Variants in ANKRD63 observed in about 807,000 individuals in gnomAD.
ANKRD63 encodes the protein ankyrin repeat domain-containing protein 63.
A neutral mutation model predicts 21.2 loss-of-function variants in ANKRD63; 18 were observed. The ratio of observed to expected loss-of-function variants is 0.85; its 90% confidence interval spans 0.59 to 1.26. The LOEUF (loss-of-function observed/expected upper bound fraction) is 1.26. Among genes scored for constraint, ANKRD63 ranks in the 50% most tolerant of loss-of-function variants. ANKRD63 has a pLI of 0.00. For synonymous variants in ANKRD63, 322 were observed against 273.3 expected, an observed-to-expected ratio of 1.18 and a Z score of -1.76; for missense variants, 523 against 570.9, an observed-to-expected ratio of 0.92 and a Z score of 0.85.
rs1379127969 is a variant in ANKRD63 at position 40,281,843 on chromosome 15, G to A, written c.744C>T (p.Ser248=). 2 of 1,528,360 alleles carry A rather than the reference G, an allele frequency of 1.3e-6. No individual in the cohort carries two copies. Among genetic ancestry groups the A allele is most frequent in the Non-Finnish European group, 1.7e-6 (2 of 1,143,402 alleles). 94.7% of individuals were successfully genotyped at this position (1,528,360 alleles called of 1,614,324 possible). A position where few individuals can be genotyped will look rare whatever the true frequency, so the allele number is the denominator to read the frequency against. The part of the protein sequence containing the change: ...KNSGRHRAQG[S]ERPELGRSMS... ...TGCTCCGACCCAGCTCGGGCCGTTC[G>A]CTGCCCTGCGCCCGGTGCCGGCCCG... is the stretch of plus-strand genomic sequence containing the variant. The change falls in exon 1 of 1, where the codon AGC becomes AGT. Residue 248 remains serine (S), a synonymous_variant. Transcript: ENST00000434396.
Position 40,282,437 on chromosome 15 carries a change from C to A in ANKRD63, c.150G>T (p.Pro50=). 1 of 1,514,708 alleles carries A rather than the reference C, an allele frequency of 6.6e-7. No individual in the cohort carries two copies. The highest frequency in any genetic ancestry group is 8.8e-7 in the Non-Finnish European group (1 of 1,139,144). The allele number at this position is 1,514,708 out of a possible 1,614,324, so 93.8% of individuals were successfully genotyped here. The stretch of plus-strand genomic sequence containing the variant: ...CCGGCAGCCCCACGGCCACCATGAG[C>A]GGCGTACGGCCCTGCTCCGCGCGGC... ...IDCRAEQGRT[P]LMVAVGLPDP... The change falls in exon 1 of 1, where the codon CCG becomes CCT. Residue 50 remains proline (P), a synonymous_variant. Coordinates refer to ENST00000434396, the MANE Select transcript of ANKRD63 (RefSeq NM_001190479.3).
In ANKRD63 at chr15:40,278,992, C is replaced by T. The variant is rs985555020; in HGVS notation, c.*2452G>A. ...ACTTGCATTTCTACACCACTAAAAA[C>T]GTCATTAAAATTCAACACAGTTGAA... is the stretch of plus-strand genomic sequence containing the variant. On this transcript the variant is annotated 3_prime_UTR_variant, in exon 1 of 1. Coordinates refer to ENST00000434396, the MANE Select transcript of ANKRD63 (RefSeq NM_001190479.3). Among the ~76,000 whole-genome samples the T allele has an allele frequency of 6.6e-6, 1 of 152,204 alleles. No homozygotes were observed. Among genetic ancestry groups the T allele is most frequent in the Non-Finnish European group, 1.5e-5 (1 of 68,044 alleles).
At position 40,282,415 on chromosome 15, in the gene ANKRD63, G is replaced by A; in HGVS notation, c.172C>T (p.Pro58Ser). The A allele has an allele frequency of 6.6e-7, 1 of 1,505,832 alleles. No homozygotes were observed. Among genetic ancestry groups the A allele is most frequent in the East Asian group, 2.7e-5 (1 of 37,620 alleles). 93.3% of individuals were successfully genotyped at this position (1,505,832 alleles called of 1,614,324 possible). The change falls in exon 1 of 1, where the codon CCG becomes TCG. Residue 58 changes from proline (P) to serine (S), a missense_variant. Pro to Ser is a moderately conservative substitution (Grantham distance 74, BLOSUM62 -1). Around this residue, in one of 2 missense-constraint regions of ANKRD63, gnomAD observed 215 missense variants for 280.4 expected, o/e 0.77. Coordinates refer to ENST00000434396, the MANE Select transcript of ANKRD63 (RefSeq NM_001190479.3). Reference sequence around the variant, plus strand: ...AAGCGCGCGCGCAGCGCGGGGTCCGGCAGCCCCACGGCCACCATGAGCGGC... The same window carrying A: ...AAGCGCGCGCGCAGCGCGGGGTCCGACAGCCCCACGGCCACCATGAGCGGC... ...RTPLMVAVGLPDPALRARFVR... is the reference protein window; with the variant it reads ...RTPLMVAVGLSDPALRARFVR...
chr15:40,282,425 G>A lies in ANKRD63; in HGVS notation c.162C>T (p.Ala54=), dbSNP rs1274582873. ...AEQGRTPLMV[A]VGLPDPALRA... is the part of the protein sequence containing the mutation. ...GCAGCGCGGGGTCCGGCAGCCCCAC[G>A]GCCACCATGAGCGGCGTACGGCCCT... is the stretch of plus-strand genomic sequence containing the variant. Residue 54 remains alanine, a synonymous_variant, in exon 1 of 1, where the codon GCC becomes GCT. Transcript: ENST00000434396. The A allele has an allele frequency of 2.7e-5, 41 of 1,509,798 alleles. No homozygotes were observed. Among genetic ancestry groups the A allele is most frequent in the Non-Finnish European group, 3.4e-5 (39 of 1,137,322 alleles). 93.5% of individuals were successfully genotyped at this position (1,509,798 alleles called of 1,614,324 possible). A position where few individuals can be genotyped will look rare whatever the true frequency, so the allele number is the denominator to read the frequency against.
chr15:40,278,380 G>A lies in ANKRD63; in HGVS notation c.*3064C>T, dbSNP rs1428909573. ...CAAAGAGAGGCCAGTTCTCGCAACG[G>A]AATAATACACTGGATTTATTAACTA... On this transcript the variant is annotated 3_prime_UTR_variant, in exon 1 of 1. Transcript: ENST00000434396. The A allele has an allele frequency of 7.2e-5, 11 of 152,330 alleles. No homozygotes were observed. In the East Asian group the frequency reaches 1.9e-3, roughly 27 times the overall value. The allele number at this position is 152,330 out of a possible 1,614,324, so 9.4% of individuals were successfully genotyped here.
Position 40,282,562 on chromosome 15 carries a change from G to A in ANKRD63, c.25C>T (p.Pro9Ser), listed in dbSNP as rs2039558391. The change falls in exon 1 of 1, where the codon CCC (proline) becomes TCC (serine). Residue 9 changes from proline to serine, a missense_variant. Pro to Ser is a moderately conservative substitution (Grantham distance 74). Coordinates refer to ENST00000434396, the MANE Select transcript of ANKRD63 (RefSeq NM_001190479.3). MLKPKDLC[P>S]RAGTRTFLEA... Reference sequence around the variant, plus strand: ...AGGAAGGTGCGCGTCCCCGCTCGGGGGCACAGGTCCTTGGGTTTGAGCATG... The same window carrying A: ...AGGAAGGTGCGCGTCCCCGCTCGGGAGCACAGGTCCTTGGGTTTGAGCATG... 1 of 1,464,362 alleles carries A rather than the reference G, an allele frequency of 6.8e-7. No individual in the cohort carries two copies. The highest frequency in any genetic ancestry group is 9.0e-7 in the Non-Finnish European group (1 of 1,113,926). The allele number at this position is 1,464,362 out of a possible 1,614,324, so 90.7% of individuals were successfully genotyped here.
Position 40,281,776 on chromosome 15 carries a change from G to A in ANKRD63, c.811C>T (p.Arg271Cys), listed in dbSNP as rs1464803596. Residue 271 changes from arginine (R) to cysteine (C), a missense_variant, in exon 1 of 1, where the codon CGC becomes TGC. By Grantham distance (180) the Arg-to-Cys change is radical. This residue lies in a region of ANKRD63 where 308 missense variants were observed against 290.4 expected (regional missense o/e 1.06). Coordinates refer to ENST00000434396, the MANE Select transcript of ANKRD63 (RefSeq NM_001190479.3). ...LGAVTEEEAARLRAGALMALP... is the reference protein window; with the variant it reads ...LGAVTEEEAACLRAGALMALP... The stretch of plus-strand genomic sequence containing the variant: ...GCCATCAGGGCCCCAGCCCGCAGGC[G>A]GGCAGCCTCCTCCTCGGTTACCGCA... The A allele has an allele frequency of 2.6e-6, 4 of 1,535,078 alleles. No homozygotes were observed. Among genetic ancestry groups the A allele is most frequent in the East Asian group, 2.4e-5 (1 of 40,880 alleles).
chr15:40,282,679 C>CT lies in ANKRD63; in HGVS notation c.-94dup, dbSNP rs1595614403. The CT allele has an allele frequency of 2.0e-6, 2 of 989,376 alleles. No individual in the cohort carries two copies. Among genetic ancestry groups the CT allele is most frequent in the South Asian group, 2.3e-5 (1 of 43,504 alleles). The allele number at this position is 989,376 out of a possible 1,614,324, so 61.3% of individuals were successfully genotyped here. A position where few individuals can be genotyped will look rare whatever the true frequency, so the allele number is the denominator to read the frequency against. ...CGGGGCTCCGGCCTCCGCCCGCGCT[C>CT]TGATACCTCTCCCTCCGCGCGTGGG... On this transcript the variant is annotated 5_prime_UTR_variant, in exon 1 of 1. Transcript: ENST00000434396.
At position 40,281,848 on chromosome 15, in the gene ANKRD63, C is replaced by T; in HGVS notation, c.739G>A (p.Gly247Ser). The part of the protein sequence containing the change: ...GKNSGRHRAQ[G>S]SERPELGRSM... ...CGACCCAGCTCGGGCCGTTCGCTGC[C>T]CTGCGCCCGGTGCCGGCCCGAATTC... Residue 247 changes from glycine (G) to serine (S), a missense_variant, in exon 1 of 1, where the codon GGC (glycine) becomes AGC (serine). Gly to Ser is a moderately conservative substitution (Grantham distance 56). Coordinates refer to ENST00000434396, the MANE Select transcript of ANKRD63 (RefSeq NM_001190479.3). 1 of 1,525,702 alleles carries T rather than the reference C, an allele frequency of 6.6e-7. No individual in the cohort carries two copies. Among genetic ancestry groups the T allele is most frequent in the East Asian group, 2.5e-5 (1 of 39,736 alleles). The allele number at this position is 1,525,702 out of a possible 1,614,324, so 94.5% of individuals were successfully genotyped here. A position where few individuals can be genotyped will look rare whatever the true frequency, so the allele number is the denominator to read the frequency against.
In ANKRD63 at chr15:40,282,035, AGCGGCGGCGGC is replaced by A; in HGVS notation, c.541_551del (p.Ala181CysfsTer9). 8.2e-7 allele frequency: 1 copy of A among 1,221,674 alleles called. No homozygotes were observed. Among genetic ancestry groups the A allele is most frequent in the Non-Finnish European group, 1.0e-6 (1 of 983,104 alleles). 75.7% of individuals were successfully genotyped at this position (1,221,674 alleles called of 1,614,324 possible). Reference sequence around the variant, plus strand: ...TATCGGAGTTGGAGCCCCGGGCCGCAGCGGCGGCGGCGGCGCGGCCCCAGGGCCCGGTGAGG... The same window carrying A: ...TATCGGAGTTGGAGCCCCGGGCCGCAGGCGCGGCCCCAGGGCCCGGTGAGG... On this transcript the variant is annotated frameshift_variant, in exon 1 of 1. Transcript: ENST00000434396. LOFTEE classifies it high-confidence loss of function.
rs1271091292 is a variant in ANKRD63, at chr15:40,281,897, G to C, written c.690C>G (p.Gly230=). 7.1e-7 allele frequency: 1 copy of C among 1,411,800 alleles called. No individual in the cohort carries two copies. The highest frequency in any genetic ancestry group is 9.1e-7 in the Non-Finnish European group (1 of 1,093,036). 87.5% of individuals were successfully genotyped at this position (1,411,800 alleles called of 1,614,324 possible). The change falls in exon 1 of 1, where the codon GGC becomes GGG. Residue 230 remains glycine, a synonymous_variant. Coordinates refer to ENST00000434396, the MANE Select transcript of ANKRD63 (RefSeq NM_001190479.3). ...TCTTGCCCGCTGAGCCAGCCTCGCC[G>C]CCGTGGCCGCCCGCCGCTCGCGCAA... ...ARFARAAGGH[G]GEAGSAGKNS...
At position 40,281,621 on chromosome 15, in the gene ANKRD63, A is replaced by G; in HGVS notation, c.966T>C (p.Ser322=). 1 of 1,527,212 alleles carries G rather than the reference A, an allele frequency of 6.5e-7. No homozygotes were observed. The highest frequency in any genetic ancestry group is 8.8e-7 in the Non-Finnish European group (1 of 1,142,396). 94.6% of individuals were successfully genotyped at this position (1,527,212 alleles called of 1,614,324 possible). ...AGCGTCGGCGCAAACCCAGGCGGCC[A>G]GAGCCGGGGCCGCCCTCCGGGTGGG... ...LSPHPEGGPG[S]GRLGLRRRST... is the part of the protein sequence containing the mutation. The change falls in exon 1 of 1, where the codon TCT becomes TCC. Residue 322 remains serine, a synonymous_variant. Coordinates refer to ENST00000434396, the MANE Select transcript of ANKRD63 (RefSeq NM_001190479.3).
At position 40,280,660 on chromosome 15, in the gene ANKRD63, A is replaced by T. The variant is rs907215793; in HGVS notation, c.*784T>A. Among the ~76,000 whole-genome samples, 1 of 152,170 alleles carries T rather than the reference A, an allele frequency of 6.6e-6. No individual in the cohort carries two copies. The highest frequency in any genetic ancestry group is 1.5e-5 in the Non-Finnish European group (1 of 68,024). ...CGATGATGGAATTCAAATGCATCTG[A>T]GCTGAAGAGCGGGCTGGCTCTGGAG... On this transcript the variant is annotated 3_prime_UTR_variant, in exon 1 of 1. Transcript: ENST00000434396.
rs1229070948 is a variant in ANKRD63 at position 40,282,587 on chromosome 15, G to A, written c.-1C>T. On this transcript the variant is annotated 5_prime_UTR_variant, in exon 1 of 1. Transcript: ENST00000434396. The stretch of plus-strand genomic sequence containing the variant: ...GGCACAGGTCCTTGGGTTTGAGCAT[G>A]GCCCCGGCCGCCGCGCCCGGGCAGC... The A allele has an allele frequency of 5.8e-6, 8 of 1,383,240 alleles. No individual in the cohort carries two copies. The highest frequency in any genetic ancestry group is 3.1e-5 in the African/African-American group (2 of 65,564). The allele number at this position is 1,383,240 out of a possible 1,614,324, so 85.7% of individuals were successfully genotyped here. A position where few individuals can be genotyped will look rare whatever the true frequency, so the allele number is the denominator to read the frequency against.
In ANKRD63 at chr15:40,282,736, T is replaced by C. The variant is rs900623040; in HGVS notation, c.-150A>G. 26 of 588,028 alleles carry C rather than the reference T, an allele frequency of 4.4e-5. No homozygotes were observed. Among genetic ancestry groups the C allele is most frequent in the Non-Finnish European group, 5.9e-5 (22 of 374,384 alleles). The allele number at this position is 588,028 out of a possible 1,614,324, so 36.4% of individuals were successfully genotyped here. ...CAGCCGAGGGTCCCGAGGTTCCTAC[T>C]CCGCTGTCCCGGAGGCTCCGACTGC... is the stretch of plus-strand genomic sequence containing the variant. On this transcript the variant is annotated 5_prime_UTR_variant, in exon 1 of 1. Coordinates refer to ENST00000434396, the MANE Select transcript of ANKRD63 (RefSeq NM_001190479.3).
rs1378236524 is a variant in ANKRD63 at position 40,281,492 on chromosome 15, G to T, written c.1095C>A (p.Asn365Lys). The change falls in exon 1 of 1, where the codon AAC becomes AAA. Residue 365 changes from asparagine (N) to lysine (K), a missense_variant. By Grantham distance (94) the Asn-to-Lys change is moderately conservative (BLOSUM62 0). Around this residue, in one of 2 missense-constraint regions of ANKRD63, gnomAD observed 308 missense variants for 290.4 expected, o/e 1.06. Transcript: ENST00000434396. ...NALSVSVPGP[N>K]PWQAGTEAVV... ...CAGCCTCGGTGCCCGCCTGCCAAGG[G>T]TTCGGCCCAGGCACCGAGACAGACA... 1 of 1,455,288 alleles carries T rather than the reference G, an allele frequency of 6.9e-7. No homozygotes were observed. Among genetic ancestry groups the T allele is most frequent in the Non-Finnish European group, 9.0e-7 (1 of 1,108,228 alleles). 90.1% of individuals were successfully genotyped at this position (1,455,288 alleles called of 1,614,324 possible).
At position 40,282,527 on chromosome 15, in the gene ANKRD63, C is replaced by T. The variant is rs888063124; in HGVS notation, c.60G>A (p.Met20Ile). Reference protein sequence around the residue: ...RAGTRTFLEAMQAGKVHLARF... With the variant: ...RAGTRTFLEAIQAGKVHLARF... ...GGGCCAAGTGCACTTTGCCCGCCTG[C>T]ATGGCCTCCAGGAAGGTGCGCGTCC... is the stretch of plus-strand genomic sequence containing the variant. The change falls in exon 1 of 1, where the codon ATG becomes ATA. Residue 20 changes from methionine to isoleucine, a missense_variant. Coordinates refer to ENST00000434396, the MANE Select transcript of ANKRD63 (RefSeq NM_001190479.3). 9.3e-6 allele frequency: 14 copies of T among 1,501,842 alleles called. No homozygotes were observed. Among genetic ancestry groups the T allele is most frequent in the Non-Finnish European group, 1.2e-5 (14 of 1,134,142 alleles). The allele number at this position is 1,501,842 out of a possible 1,614,324, so 93.0% of individuals were successfully genotyped here. A position where few individuals can be genotyped will look rare whatever the true frequency, so the allele number is the denominator to read the frequency against.
chr15:40,280,979 G>A lies in ANKRD63; in HGVS notation c.*465C>T, dbSNP rs999005620. The stretch of plus-strand genomic sequence containing the variant: ...TCCTTCTCCCACACTTGGAGGGAAA[G>A]GAGACTTTGGTAGTTTGTGGGATTA... On this transcript the variant is annotated 3_prime_UTR_variant, in exon 1 of 1. Transcript: ENST00000434396. Among the ~76,000 whole-genome samples, 2 of 152,264 alleles carry A rather than the reference G, an allele frequency of 1.3e-5. No individual in the cohort carries two copies. The highest frequency in any genetic ancestry group is 2.9e-5 in the Non-Finnish European group (2 of 68,048).
rs1281084341 is a variant in ANKRD63 at position 40,278,510 on chromosome 15, G to C, written c.*2934C>G. On this transcript the variant is annotated 3_prime_UTR_variant, in exon 1 of 1. Transcript: ENST00000434396. Reference sequence around the variant, plus strand: ...CACTTCTGATCTTAGGGTACCAAGTGCCAGCATCCTGGGTGACTCTTCACA... The same window carrying C: ...CACTTCTGATCTTAGGGTACCAAGTCCCAGCATCCTGGGTGACTCTTCACA... Among the ~76,000 whole-genome samples, 1 of 152,204 alleles carries C rather than the reference G, an allele frequency of 6.6e-6. No individual in the cohort carries two copies. The highest frequency in any genetic ancestry group is 2.1e-4 in the South Asian group (1 of 4,832).
Sources: allele counts gnomAD v4.1 joint callset (sites outside exome capture counted in the v4.1 genomes callset), GRCh38; gene constraint gnomAD v4.1.1; regional missense constraint gnomAD v4.1.1; transcripts MANE v1.5; gene names NCBI Gene and HGNC (gene_info 2026-07-23, HGNC 2026-07-21).